The following ATG10 variants were observed in gnomAD, a reference collection of about 807,000 sequenced individuals.
ATG10 encodes ubiquitin-like-conjugating enzyme ATG10.
Under a neutral mutation model 32.1 loss-of-function variants are expected in ATG10, and 30 were observed. The ratio of observed to expected loss-of-function variants is 0.94; its 90% CI spans 0.70 to 1.27. The LOEUF is 1.27. Ranked by LOEUF, ATG10 falls within the 50% of genes most tolerant of loss-of-function variation. The pLI is 0.00. For missense variants in ATG10, 233 were observed against 262.3 expected (o/e 0.89, Z 0.77); for synonymous variants, 87 against 91.5 (o/e 0.95, Z 0.28).
intron 2 of ATG10, among the ~76,000 whole-genome samples, chr5:81,995,650 A>G (rs1261270205): frequency 6.6e-6 from 1 of 152,206 alleles, no homozygotes; most frequent in Non-Finnish European, 1.5e-5. Flanking sequence ...GTGCTAAAGT[A>G]TTCACATAAT....
At chr5:82,028,986 CAAGT>C (rs1762670351) in intron 2 of ATG10, among the ~76,000 whole-genome samples, 1 of 152,042 alleles carries the variant, frequency 6.6e-6, no homozygotes. Context: ...ATTATTAAGA[CAAGT>C]AGAGCAACAT....
chr5:82,006,252 A>G (rs1263334114), intron 2 of ATG10, among the ~76,000 whole-genome samples: 1 of 152,184 alleles, frequency 6.6e-6, no homozygotes, highest in Admixed American at 6.5e-5. Flanking sequence ...CCCACCATGG[A>G]CCTTCCCATC....
At chr5:82,066,266 C>T (rs1763939594) in intron 3 of ATG10, among the ~76,000 whole-genome samples, 1 of 152,140 alleles carries the variant, frequency 6.6e-6, no homozygotes, top group Non-Finnish European at 1.5e-5. Flanking sequence ...CCTATACACA[C>T]TGACTTTAAG....
At chr5:82,082,517 G>A (rs928637399) in intron 3 of ATG10, among the ~76,000 whole-genome samples, 2 of 152,100 alleles carry the variant, frequency 1.3e-5, no homozygotes, top group African/African-American at 4.8e-5. Context: ...ACCCTCTTGA[G>A]AGTCTTTGAA....
At chr5:82,162,099 CAT>C (rs1385527346) in intron 3 of ATG10, among the ~76,000 whole-genome samples, 2 of 152,098 alleles carry the variant, frequency 1.3e-5, no homozygotes, top group Non-Finnish European at 2.9e-5. Flanking sequence ...ATATTTCACA[CAT>C]ATCCTTGCAC....
chr5:82,010,013 G>C (rs1482008603), intron 2 of ATG10: 1 of 1,609,210 alleles, frequency 6.2e-7, no homozygotes, highest in Non-Finnish European at 8.5e-7. Context: ...TTGGGACCTT[G>C]TCAGCTAACA....
At chr5:82,106,079 C>T (rs942335339) in intron 3 of ATG10, among the ~76,000 whole-genome samples, 3 of 152,090 alleles carry the variant, frequency 2.0e-5, no homozygotes, top group African/African-American at 4.8e-5. Context: ...TTTAATATTA[C>T]AAGACTTCAT....
intron 2 of ATG10, among the ~76,000 whole-genome samples, chr5:82,050,280 A>G (rs1206697480): frequency 2.0e-5 from 3 of 152,052 alleles, no homozygotes; most frequent in Non-Finnish European, 4.4e-5. Context: ...AGTTATTCTC[A>G]TGGTTACCCC....
chr5:82,103,497 C>T (rs1323519065), intron 3 of ATG10, among the ~76,000 whole-genome samples: 2 of 152,132 alleles, frequency 1.3e-5, no homozygotes, highest in African/African-American at 4.8e-5. Flanking sequence ...CTACCACTTA[C>T]CTGGGGCTTG....
intron 5 of ATG10, among the ~76,000 whole-genome samples, chr5:82,226,788 C>G (rs1413932534): frequency 6.6e-6 from 1 of 152,136 alleles, no homozygotes; most frequent in Non-Finnish European, 1.5e-5. Flanking sequence ...GGCCTGCTAT[C>G]TTTTCATGCA....
At chr5:82,107,417 T>C (rs760824304) in intron 3 of ATG10, among the ~76,000 whole-genome samples, 1 of 152,086 alleles carries the variant, frequency 6.6e-6, no homozygotes, top group Admixed American at 6.6e-5. Flanking sequence ...CTAAGCTGAA[T>C]TGATGTTTAC....
At position 82,084,627 on chromosome 5, in the gene ATG10, G is replaced by A. The variant is rs531474914; in HGVS notation, c.216+26025G>A. ...AAGGGAAGCCCATCAGACTAACAGCGGATCTCTCGGCAGAAACTCTACAAG... is the reference window on the plus strand; with the variant it reads ...AAGGGAAGCCCATCAGACTAACAGCAGATCTCTCGGCAGAAACTCTACAAG... On this transcript the variant is annotated intron_variant, in intron 3 of 7. Transcript: ENST00000282185. 9.4e-4 allele frequency among the ~76,000 whole-genome samples: 143 copies of A among 152,264 alleles called. 1 individual carries two copies. The East Asian group carries it at 0.025, about 26-fold the overall frequency.
intron 2 of ATG10, among the ~76,000 whole-genome samples, chr5:82,057,672 CAT>C (rs1451095742): frequency 1.3e-5 from 2 of 152,072 alleles, no homozygotes; most frequent in Non-Finnish European, 2.9e-5. Context: ...TATTCTTACA[CAT>C]GACTTTATTG....
At chr5:82,186,126 G>A (rs1335001569) in intron 5 of ATG10, among the ~76,000 whole-genome samples, 2 of 152,194 alleles carry the variant, frequency 1.3e-5, no homozygotes, top group African/African-American at 4.8e-5. Flanking sequence ...TGCTGCTGCT[G>A]CTGCTTCAGA....
chr5:82,129,561 TC>T (rs1288411950), intron 3 of ATG10, among the ~76,000 whole-genome samples: 1 of 152,118 alleles, frequency 6.6e-6, no homozygotes, highest in Non-Finnish European at 1.5e-5. Context: ...GTTGATGCTA[TC>T]CCTTTCTATT....
chr5:82,104,364 C>T (rs1342055511), intron 3 of ATG10, among the ~76,000 whole-genome samples: 1 of 152,018 alleles, frequency 6.6e-6, no homozygotes, highest in African/African-American at 2.4e-5. Context: ...AGTAGGTGAA[C>T]TCCATACTGG....
chr5:82,156,658 A>C (rs977514154), intron 3 of ATG10, among the ~76,000 whole-genome samples: 1 of 152,216 alleles, frequency 6.6e-6, no homozygotes, highest in Non-Finnish European at 1.5e-5. Flanking sequence ...AAAGGGTAAC[A>C]CTGAAGAGAA....
Position 82,181,142 on chromosome 5 carries a change from A to C in ATG10, c.453+2555A>C, listed in dbSNP as rs114024472. Reference sequence around the variant, plus strand: ...TATCACAACAAGCATTACTATTTCTAACACTAAGGCTGGGGCTCACTTAAT... The same window carrying C: ...TATCACAACAAGCATTACTATTTCTCACACTAAGGCTGGGGCTCACTTAAT... On this transcript the variant is annotated intron_variant, in intron 5 of 7. Transcript: ENST00000282185. Among the ~76,000 whole-genome samples the C allele has an allele frequency of 2.2e-3, 338 of 152,204 alleles. 1 individual carries two copies. Among genetic ancestry groups the C allele is most frequent in the Non-Finnish European group, 3.1e-3 (209 of 67,980 alleles).
rs1445253237 is a variant in ATG10 at position 82,138,870 on chromosome 5, CCCCTCCCCCTCT to C, written c.217-25523_217-25512del. 4.1e-4 allele frequency among the ~76,000 whole-genome samples: 30 copies of C among 73,770 alleles called. 1 individual carries two copies. The highest frequency in any genetic ancestry group is 9.4e-4 in the African/African-American group (17 of 18,152). The allele number at this position is 73,770 out of a possible 152,430, so 48.4% of individuals were successfully genotyped here. A position where few individuals can be genotyped will look rare whatever the true frequency, so the allele number is the denominator to read the frequency against. ...CCCCCTCCCCCTCCCCCTCCCCCTCCCCCTCCCCCTCTCCCTCTCCCTCTCATGCGGAGCCGA... is the reference window on the plus strand; with the variant it reads ...CCCCCTCCCCCTCCCCCTCCCCCTCCCCCTCTCCCTCTCATGCGGAGCCGA... On this transcript the variant is annotated intron_variant, in intron 3 of 7. Coordinates refer to ENST00000282185, the MANE Select transcript of ATG10 (RefSeq NM_031482.5).
Sources: gnomAD v4.1 joint callset for allele counts (sites outside exome capture counted in the v4.1 genomes callset) on GRCh38, gnomAD v4.1.1 for gene constraint, MANE v1.5 for transcripts, NCBI Gene and HGNC (gene_info 2026-07-23, HGNC 2026-07-21) for gene names.